Variants in IL2RA observed in about 807,000 individuals in gnomAD.
The protein encoded by IL2RA is interleukin 2 receptor subunit alpha, also known as interleukin-2 receptor subunit alpha.
In IL2RA, 24 loss-of-function variants were observed where a neutral mutation model predicts 37.8. The observed-to-expected ratio is 0.63, with a 90% CI of 0.46 to 0.89. The LOEUF (loss-of-function observed/expected upper bound fraction) is 0.89, where lower values mean the gene tolerates loss of function less well. Among genes scored for constraint, IL2RA ranks in the 40% least tolerant of loss-of-function variants. IL2RA has a pLI of 0.00. For synonymous variants in IL2RA, 125 were observed against 114.6 expected (o/e 1.09, Z -0.58); for missense variants, 319 against 348.6 (o/e 0.92, Z 0.68).
intron 1 of IL2RA, among the ~76,000 whole-genome samples, chr10:6,049,200 A>G (rs1005814190): frequency 2.6e-5 from 4 of 152,218 alleles, no homozygotes; most frequent in African/African-American, 9.6e-5. Flanking sequence ...TGTAAGTCCC[A>G]GAGTCCAAAA....
At chr10:6,045,607 AAC>A (rs754477378) in intron 1 of IL2RA, among the ~76,000 whole-genome samples, 9 of 152,298 alleles carry the variant, frequency 5.9e-5, no homozygotes, top group South Asian at 2.1e-4. Context: ...GGGAAGTAGA[AAC>A]ACACTCTTTT....
intron 1 of IL2RA, among the ~76,000 whole-genome samples, chr10:6,040,947 A>G (rs182494196): frequency 3.5e-4 from 54 of 152,332 alleles, no homozygotes; most frequent in Admixed American, 6.5e-4. Context: ...ATCAGCAACA[A>G]CCAATCCAAA....
Position 6,021,438 on chromosome 10 carries a change from G to A in IL2RA, c.583+40C>T. On this transcript the variant is annotated intron_variant, in intron 4 of 7. Coordinates refer to ENST00000379959, the MANE Select transcript of IL2RA (RefSeq NM_000417.3). This position sits in a 1 kb window ranked among gnomAD's most constrained non-coding sequence, Gnocchi z 4.9. ...ATTCCACTCTGGTCAGCCTGATGGA[G>A]CAAAGCAACATTGTGGACCCCAGAA... The A allele has an allele frequency of 3.9e-6, 6 of 1,552,766 alleles. No individual in the cohort carries two copies. The highest frequency in any genetic ancestry group is 5.3e-6 in the Non-Finnish European group (6 of 1,125,654).
At position 6,018,002 on chromosome 10, in the gene IL2RA, G is replaced by T; in HGVS notation, c.794+51C>A. On this transcript the variant is annotated intron_variant, in intron 7 of 7. Coordinates refer to ENST00000379959, the MANE Select transcript of IL2RA (RefSeq NM_000417.3). This position sits in a 1 kb window ranked among gnomAD's most constrained non-coding sequence, Gnocchi z 5.1. ...GTAGGGGGGAGGCAGGGTGGGGCTG[G>T]GTACAGGACTTTGATCTGACCAAGG... The T allele has an allele frequency of 6.7e-7, 1 of 1,484,330 alleles. No individual in the cohort carries two copies. The highest frequency in any genetic ancestry group is 9.4e-7 in the Non-Finnish European group (1 of 1,068,544). The allele number at this position is 1,484,330 out of a possible 1,614,324, so 91.9% of individuals were successfully genotyped here.
At position 6,028,990 on chromosome 10, in the gene IL2RA, C is replaced by CAA. The variant is rs34303304; in HGVS notation, c.65-2967_65-2966dup. Among the ~76,000 whole-genome samples, 2 of 110,026 alleles carry CAA rather than the reference C, an allele frequency of 1.8e-5. No homozygotes were observed. Among genetic ancestry groups the CAA allele is most frequent in the Non-Finnish European group, 3.9e-5 (2 of 51,004 alleles). The allele number at this position is 110,026 out of a possible 152,430, so 72.2% of individuals were successfully genotyped here. ...TTACAGAGTGAGTGAGAGTCTGTCT[C>CAA]AAAAAAAAAAAAAAAAGACCCCTAA... is the stretch of plus-strand genomic sequence containing the variant. On this transcript the variant is annotated intron_variant, in intron 1 of 7. Coordinates refer to ENST00000379959, the MANE Select transcript of IL2RA (RefSeq NM_000417.3). This position sits in a 1 kb window ranked among gnomAD's most constrained non-coding sequence, Gnocchi z 4.1.
At chr10:6,032,058 G>T (rs1387581538) in intron 1 of IL2RA, among the ~76,000 whole-genome samples, 1 of 152,028 alleles carries the variant, frequency 6.6e-6, no homozygotes, top group Non-Finnish European at 1.5e-5. Context: ...TTGTTCAACT[G>T]CTTTTTTTTT....
At chr10:6,027,319 C>G (rs1321294628) in intron 1 of IL2RA, among the ~76,000 whole-genome samples, 4 of 148,482 alleles carry the variant, frequency 2.7e-5, no homozygotes, top group African/African-American at 1.0e-4. Flanking sequence ...CAGCAAGACT[C>G]TGTCTCAAAA....
chr10:6,024,691 A>C (rs1839452130), intron 2 of IL2RA, among the ~76,000 whole-genome samples: 2 of 152,178 alleles, frequency 1.3e-5, no homozygotes, highest in African/African-American at 4.8e-5. Flanking sequence ...TCTCTCACCA[A>C]AAGGGACTCC....
chr10:6,012,903 T>A lies in IL2RA; in HGVS notation c.795-7A>T, dbSNP rs750285734. 6.2e-7 allele frequency: 1 copy of A among 1,614,068 alleles called. No homozygotes were observed. The highest frequency in any genetic ancestry group is 8.5e-7 in the Non-Finnish European group (1 of 1,179,892). On this transcript the variant is annotated splice_polypyrimidine_tract_variant and splice_region_variant and intron_variant, in intron 7 of 7. Transcript: ENST00000379959. The surrounding 1 kb of genome is among the most constrained non-coding windows in gnomAD (Gnocchi z 4.8). The stretch of plus-strand genomic sequence containing the variant: ...TGTTCTTCTACTCTTCCTCCTGTAG[T>A]GGTGTAACAAAGTCACGGTCATATG...
intron 3 of IL2RA, 28 bp downstream of exon 3, chr10:6,024,216 T>A: frequency 7.0e-7 from 1 of 1,436,562 alleles, no homozygotes; most frequent in South Asian, 1.1e-5. Flanking sequence ...CTAGCAGGAG[T>A]TAGCTGGAGG....
At position 6,057,588 on chromosome 10, in the gene IL2RA, G is replaced by A. The variant is rs897993699; in HGVS notation, c.64+4500C>T. ...TGTCAAAAACTCACGCCCTCCCCGT[G>A]TCCTCTCCTCAGTGCTTTGGCCCAC... On this transcript the variant is annotated intron_variant, in intron 1 of 7. Coordinates refer to ENST00000379959, the MANE Select transcript of IL2RA (RefSeq NM_000417.3). The surrounding 1 kb of genome is among the most constrained non-coding windows in gnomAD (Gnocchi z 4.8). Among the ~76,000 whole-genome samples the A allele has an allele frequency of 6.6e-6, 1 of 152,158 alleles. No homozygotes were observed. The highest frequency in any genetic ancestry group is 1.5e-5 in the Non-Finnish European group (1 of 68,050).
intron 1 of IL2RA, among the ~76,000 whole-genome samples, chr10:6,055,732 C>T (rs572269725): frequency 0.013 from 418 of 32,764 alleles, 142 homozygotes; most frequent in Middle Eastern, 0.059. Flanking sequence ...ACCTCCCAGA[C>T]GGGGTGGTGG....
chr10:6,059,453 G>T (rs760290530), intron 1 of IL2RA, among the ~76,000 whole-genome samples: 2 of 152,150 alleles, frequency 1.3e-5, no homozygotes, highest in Non-Finnish European at 2.9e-5. Context: ...GCACATAGAA[G>T]TTACTTTATA....
Position 6,036,867 on chromosome 10 carries a change from G to A in IL2RA, c.65-10842C>T, listed in dbSNP as rs1480783828. Among the ~76,000 whole-genome samples, 1 of 152,220 alleles carries A rather than the reference G, an allele frequency of 6.6e-6. No individual in the cohort carries two copies. The highest frequency in any genetic ancestry group is 1.5e-5 in the Non-Finnish European group (1 of 68,034). On this transcript the variant is annotated intron_variant, in intron 1 of 7. Coordinates refer to ENST00000379959, the MANE Select transcript of IL2RA (RefSeq NM_000417.3). The surrounding 1 kb of genome is among the most constrained non-coding windows in gnomAD (Gnocchi z 6.1). ...CTCTAGAGCCGGCAGGACGGATGCTGAGGTTGTTCGCAGCAGCGTGTGTGC... is the reference window on the plus strand; with the variant it reads ...CTCTAGAGCCGGCAGGACGGATGCTAAGGTTGTTCGCAGCAGCGTGTGTGC...
At position 6,046,320 on chromosome 10, in the gene IL2RA, A is replaced by T. The variant is rs929011284; in HGVS notation, c.64+15768T>A. The stretch of plus-strand genomic sequence containing the variant: ...TTCTGGGGTCCTGGCGCTTTCAGAT[A>T]CTACCATGATCTGCTAGTCTACTGT... On this transcript the variant is annotated intron_variant, in intron 1 of 7. Transcript: ENST00000379959. The surrounding 1 kb of genome is among the most constrained non-coding windows in gnomAD (Gnocchi z 4.8). Among the ~76,000 whole-genome samples the T allele has an allele frequency of 6.6e-6, 1 of 152,222 alleles. No individual in the cohort carries two copies. Among genetic ancestry groups the T allele is most frequent in the South Asian group, 2.1e-4 (1 of 4,832 alleles).
Position 6,057,807 on chromosome 10 carries a change from C to T in IL2RA, c.64+4281G>A, listed in dbSNP as rs143595802. ...GCCTGCCTTGATGATATCCATAGCT[C>T]GCAGAAGAATGACTCCAACAAAAAA... is the stretch of plus-strand genomic sequence containing the variant. On this transcript the variant is annotated intron_variant, in intron 1 of 7. Coordinates refer to ENST00000379959, the MANE Select transcript of IL2RA (RefSeq NM_000417.3). This position sits in a 1 kb window ranked among gnomAD's most constrained non-coding sequence, Gnocchi z 4.8. Among the ~76,000 whole-genome samples, 6 of 152,138 alleles carry T rather than the reference C, an allele frequency of 3.9e-5. No homozygotes were observed. Among genetic ancestry groups the T allele is most frequent in the African/African-American group, 1.4e-4 (6 of 41,506 alleles).
chr10:6,032,498 C>T (rs1028938328), intron 1 of IL2RA, among the ~76,000 whole-genome samples: 1 of 152,016 alleles, frequency 6.6e-6, no homozygotes, highest in Non-Finnish European at 1.5e-5. Flanking sequence ...GGAGACCATC[C>T]TGGCTAACAC....
chr10:6,039,364 G>A (rs912018940), intron 1 of IL2RA: 12 of 152,210 alleles, frequency 7.9e-5, no homozygotes, highest in African/African-American at 2.9e-4. Flanking sequence ...AATACACAAA[G>A]CAAATATTGA....
Position 6,024,255 on chromosome 10 carries a change from G to A in IL2RA, c.356C>T (p.Ala119Val), listed in dbSNP as rs138645280. The A allele has an allele frequency of 9.3e-6, 15 of 1,610,994 alleles. No homozygotes were observed. Among genetic ancestry groups the A allele is most frequent in the South Asian group, 3.3e-5 (3 of 91,004 alleles). Reference protein sequence around the residue: ...MQSPMQPVDQASLPGHCREPP... With the variant: ...MQSPMQPVDQVSLPGHCREPP... ...GATTCATCTCTCACCTGGAAGGCTC[G>A]CTTGGTCCACTGGCTGCATTGGACT... Residue 119 changes from alanine (A) to valine (V), a missense_variant, in exon 3 of 8, where the codon GCG becomes GTG. Ala to Val is a moderately conservative substitution (Grantham distance 64). Coordinates refer to ENST00000379959, the MANE Select transcript of IL2RA (RefSeq NM_000417.3).
Sources: gnomAD v4.1 joint callset for allele counts (sites outside exome capture counted in the v4.1 genomes callset) on GRCh38, gnomAD v4.1.1 for gene constraint, Gnocchi (gnomAD v3.1) non-coding constraint, MANE v1.5 for transcripts, NCBI Gene and HGNC (gene_info 2026-07-23, HGNC 2026-07-21) for gene names.